FBXO34: variants seen among roughly 807,000 people sequenced by gnomAD.
FBXO34 encodes the protein F-box only protein 34.
A neutral mutation model predicts 24.5 loss-of-function variants in FBXO34; 12 were observed. That is an observed-to-expected ratio of 0.49 (90% CI 0.31 to 0.79). FBXO34 has a LOEUF of 0.79. Among genes scored for constraint, FBXO34 ranks in the 30% least tolerant of loss-of-function variants. FBXO34 has a pLI of 0.04. For synonymous variants in FBXO34, 320 were observed against 311.9 expected (o/e 1.03, Z -0.27); for missense variants, 823 against 857.7 (o/e 0.96, Z 0.51).
the FBXO34 span, among the ~76,000 whole-genome samples, chr14:55,416,657 A>T: frequency 0.046 from 6,982 of 151,978 alleles, 517 homozygotes; most frequent in African/African-American, 0.16. Context: ...ACAAAACCAA[A>T]CTCTTTAGAA....
At chr14:55,319,708 G>A (rs898406863) in intron 1 of FBXO34, among the ~76,000 whole-genome samples, 8 of 152,106 alleles carry the variant, frequency 5.3e-5, no homozygotes, top group Non-Finnish European at 8.8e-5. Flanking sequence ...ATGGAGTCTG[G>A]CTCTGTCGCC....
chr14:55,278,239 A>AT (rs1298079637), intron 1 of FBXO34, among the ~76,000 whole-genome samples: 1 of 152,218 alleles, frequency 6.6e-6, no homozygotes, highest in Non-Finnish European at 1.5e-5. Flanking sequence ...TCTGCAGTAC[A>AT]TTCAGTTTGT....
Position 55,350,837 on chromosome 14 carries a change from G to A in FBXO34, c.447G>A (p.Lys149=). 2 of 1,612,916 alleles carry A rather than the reference G, an allele frequency of 1.2e-6. No individual in the cohort carries two copies. Among genetic ancestry groups the A allele is most frequent in the South Asian group, 2.2e-5 (2 of 90,776 alleles). ...GGGATATTGATGGGAGAGCTACTAA[G>A]AGAAGGAAAAAATCAGGGGATCTTA... is the stretch of plus-strand genomic sequence containing the variant. ...SSWDIDGRAT[K]RRKKSGDLKK... The change falls in exon 2 of 2, where the codon AAG becomes AAA. Residue 149 remains lysine (K), a synonymous_variant. Coordinates refer to ENST00000313833, the MANE Select transcript of FBXO34 (RefSeq NM_017943.4).
intron 1 of FBXO34, among the ~76,000 whole-genome samples, chr14:55,334,122 T>C (rs986333286): frequency 9.2e-5 from 14 of 152,190 alleles, no homozygotes; most frequent in African/African-American, 3.1e-4. Context: ...CCAGAGCCTG[T>C]TGTGCTTTGC....
the FBXO34 span, among the ~76,000 whole-genome samples, chr14:55,380,875 A>ATATATATATATTTT: frequency 8.9e-6 from 1 of 112,704 alleles, no homozygotes; most frequent in African/African-American, 3.8e-5. Context: ...ATATATATAT[A>ATATATATATATTTT]TTTTTTTTTT....
At chr14:55,396,922 G>C in the FBXO34 span, among the ~76,000 whole-genome samples, 987 of 152,278 alleles carry the variant, frequency 6.5e-3, 12 homozygotes, top group African/African-American at 0.023. Flanking sequence ...CTGAGGATAG[G>C]ATTCCAAGAA....
rs972408447 is a variant in FBXO34 at position 55,305,428 on chromosome 14, A to G, written c.-11+33891A>G. 1.6e-4 allele frequency among the ~76,000 whole-genome samples: 24 copies of G among 151,816 alleles called. 1 individual carries two copies. Among genetic ancestry groups the G allele is most frequent in the Admixed American group, 1.4e-3 (21 of 15,272 alleles). Reference sequence around the variant, plus strand: ...GACTGCATCTCAAAAAAAAAAAAAAAAAGTCTTAGTCCGGGTGCGGTGCGT... The same window carrying G: ...GACTGCATCTCAAAAAAAAAAAAAAGAAGTCTTAGTCCGGGTGCGGTGCGT... On this transcript the variant is annotated intron_variant, in intron 1 of 1. Transcript: ENST00000313833.
chr14:55,316,781 G>T (rs967327810), intron 1 of FBXO34, among the ~76,000 whole-genome samples: 1 of 150,984 alleles, frequency 6.6e-6, no homozygotes, highest in African/African-American at 2.4e-5. Flanking sequence ...GCATTAAACC[G>T]ATTTTCAGAC....
chr14:55,408,163 T>C, the FBXO34 span, among the ~76,000 whole-genome samples: 1 of 152,142 alleles, frequency 6.6e-6, no homozygotes, highest in Non-Finnish European at 1.5e-5. Context: ...GTTAAGAAAC[T>C]TGCTCAGGGC....
chr14:55,357,123 C>G (rs1884534187), downstream of FBXO34, among the ~76,000 whole-genome samples: 1 of 152,188 alleles, frequency 6.6e-6, no homozygotes, highest in Non-Finnish European at 1.5e-5. Flanking sequence ...TGCACAACCT[C>G]TTGGGAAGAG....
the FBXO34 span, chr14:55,390,778 G>A: frequency 1.5e-6 from 1 of 645,458 alleles, no homozygotes; most frequent in Non-Finnish European, 2.7e-6. Flanking sequence ...AAAGATGAGG[G>A]CGAGTAGTAA....
the FBXO34 span, chr14:55,411,553 T>G: frequency 1.3e-6 from 2 of 1,544,322 alleles, no homozygotes. Context: ...GCTGCCTGGC[T>G]GGAGGACACA....
At chr14:55,340,388 C>A (rs1490986549) in intron 1 of FBXO34, among the ~76,000 whole-genome samples, 4 of 149,168 alleles carry the variant, frequency 2.7e-5, no homozygotes, top group African/African-American at 9.8e-5. Context: ...CAAATACAGG[C>A]CATCATGCTT....
chr14:55,336,868 G>GCGCACACACA (rs1555338882), intron 1 of FBXO34, among the ~76,000 whole-genome samples: 35 of 144,264 alleles, frequency 2.4e-4, no homozygotes, highest in African/African-American at 7.3e-4. Flanking sequence ...ATACATGCAC[G>GCGCACACACA]CACACACACA....
chr14:55,369,935 G>C, downstream of FBXO34: 1 of 1,580,828 alleles, frequency 6.3e-7, no homozygotes, highest in Non-Finnish European at 8.6e-7. Flanking sequence ...CCTGTGTGCA[G>C]ACAATGAGGG....
chr14:55,328,894 A>C (rs976003333), intron 1 of FBXO34, among the ~76,000 whole-genome samples: 2 of 152,138 alleles, frequency 1.3e-5, no homozygotes, highest in African/African-American at 4.8e-5. Flanking sequence ...AGATGTAAGC[A>C]TGTGTGCATT....
the FBXO34 span, chr14:55,391,263 T>C: frequency 1.5e-4 from 41 of 274,266 alleles, no homozygotes; most frequent in Admixed American, 1.7e-4. Context: ...ATCAAGAGGT[T>C]AGGAGATCAA....
At chr14:55,330,950 T>C (rs1883513053) in intron 1 of FBXO34, among the ~76,000 whole-genome samples, 1 of 152,218 alleles carries the variant, frequency 6.6e-6, no homozygotes, top group Admixed American at 6.5e-5. Context: ...ATCCCCAGTC[T>C]CTGAAAGAGT....
At chr14:55,278,079 G>GT (rs1881403463) in intron 1 of FBXO34, among the ~76,000 whole-genome samples, 1 of 152,038 alleles carries the variant, frequency 6.6e-6, no homozygotes, top group South Asian at 2.1e-4. Context: ...GCTACCAGAA[G>GT]TTTAACTTCC....
Sources: allele counts gnomAD v4.1 joint callset (sites outside exome capture counted in the v4.1 genomes callset), GRCh38; gene constraint gnomAD v4.1.1; transcripts MANE v1.5; gene names NCBI Gene and HGNC (gene_info 2026-07-23, HGNC 2026-07-21).